TBC1D22A: variants seen among roughly 807,000 people sequenced by gnomAD.
The protein encoded by TBC1D22A is TBC1 domain family member 22A.
A neutral mutation model predicts 60.2 loss-of-function variants in TBC1D22A; 38 were observed. The ratio of observed to expected loss-of-function variants is 0.63; its 90% CI spans 0.49 to 0.83. The LOEUF is 0.83. Among genes scored for constraint, TBC1D22A ranks in the 40% least tolerant of loss-of-function variants. The pLI, the probability that TBC1D22A is intolerant of heterozygous loss-of-function variation, is 0.00. For missense variants in TBC1D22A, 628 were observed against 701.0 expected (o/e 0.90, Z 1.18); for synonymous variants, 302 against 281.7 (o/e 1.07, Z -0.72).
intron 11 of TBC1D22A, among the ~76,000 whole-genome samples, chr22:47,056,376 G>A (rs1373744425): frequency 6.6e-6 from 1 of 152,148 alleles, no homozygotes; most frequent in East Asian, 1.9e-4. Flanking sequence ...AGGGCTGCCT[G>A]TGAGCTGACG....
rs1029708977 is a variant in TBC1D22A at position 46,862,195 on chromosome 22, A to C, written c.638-16458A>C. ...TGGAACGCGGTATGGAACCTGGCGC[A>C]CAGTAGGTGCTCAGTGAATGTCAGC... On this transcript the variant is annotated intron_variant, in intron 4 of 12. Transcript: ENST00000337137. Among the ~76,000 whole-genome samples, 8 of 152,320 alleles carry C rather than the reference A, an allele frequency of 5.3e-5. No homozygotes were observed. The East Asian group carries it at 1.5e-3, about 29-fold the overall frequency.
At chr22:47,005,987 C>T (rs2061579493) in intron 10 of TBC1D22A, among the ~76,000 whole-genome samples, 1 of 152,010 alleles carries the variant, frequency 6.6e-6, no homozygotes, top group Admixed American at 6.6e-5. Flanking sequence ...TACACACAGT[C>T]CCGTATACAC....
chr22:46,895,616 C>T (rs1397489955), intron 7 of TBC1D22A, among the ~76,000 whole-genome samples: 2 of 152,222 alleles, frequency 1.3e-5, no homozygotes, highest in Non-Finnish European at 2.9e-5. Flanking sequence ...AAGTGATCTG[C>T]CCGCCTTGGC....
intron 9 of TBC1D22A, among the ~76,000 whole-genome samples, chr22:46,992,366 G>A (rs942035541): frequency 2.0e-5 from 3 of 152,250 alleles, no homozygotes; most frequent in African/African-American, 4.8e-5. Context: ...ATGTTACTGG[G>A]GACTGGGCAT....
chr22:46,834,035 G>A (rs745590761), intron 4 of TBC1D22A, among the ~76,000 whole-genome samples: 7 of 149,940 alleles, frequency 4.7e-5, no homozygotes, highest in Admixed American at 6.6e-5. Context: ...ACTTTTATTC[G>A]TAGCATTTTC....
At chr22:46,931,181 A>T (rs1157840950) in intron 8 of TBC1D22A, among the ~76,000 whole-genome samples, 2 of 152,106 alleles carry the variant, frequency 1.3e-5, no homozygotes, top group Non-Finnish European at 2.9e-5. Context: ...TCCTTTCTCC[A>T]TTATCTGGCT....
chr22:47,044,965 T>TA (rs2062981253), intron 11 of TBC1D22A, among the ~76,000 whole-genome samples: 1 of 152,180 alleles, frequency 6.6e-6, no homozygotes, highest in Non-Finnish European at 1.5e-5. Context: ...GGCAGGCGTG[T>TA]GAAGGCCCTG....
At chr22:46,823,663 C>T (rs1023059086) in intron 4 of TBC1D22A, among the ~76,000 whole-genome samples, 2 of 152,342 alleles carry the variant, frequency 1.3e-5, no homozygotes, top group East Asian at 1.9e-4. Flanking sequence ...GTGCCTGGCA[C>T]GTGGGCAGTA....
intron 12 of TBC1D22A, among the ~76,000 whole-genome samples, chr22:47,166,191 T>C (rs549976917): frequency 3.6e-3 from 550 of 152,234 alleles, no homozygotes; most frequent in Non-Finnish European, 5.9e-3. Flanking sequence ...CCTTCCGGTA[T>C]CTTCAGTGTG....
At chr22:47,058,874 C>G (rs1207594816) in intron 11 of TBC1D22A, among the ~76,000 whole-genome samples, 2 of 152,266 alleles carry the variant, frequency 1.3e-5, no homozygotes, top group Middle Eastern at 6.8e-3. Context: ...GCCCGCTGGA[C>G]CCAGGTGAAG....
intron 10 of TBC1D22A, among the ~76,000 whole-genome samples, chr22:47,027,588 A>G (rs953988250): frequency 4.6e-5 from 7 of 152,176 alleles, no homozygotes; most frequent in Non-Finnish European, 8.8e-5. Flanking sequence ...CTTCTAAGTG[A>G]AGTTAACTCA....
chr22:47,081,454 C>A (rs1311758811), intron 11 of TBC1D22A, among the ~76,000 whole-genome samples: 1 of 152,166 alleles, frequency 6.6e-6, no homozygotes, highest in Non-Finnish European at 1.5e-5. Context: ...TCTGCTCTCA[C>A]TACTTCTATT....
At chr22:46,943,928 C>T (rs980810580) in intron 8 of TBC1D22A, among the ~76,000 whole-genome samples, 1 of 152,084 alleles carries the variant, frequency 6.6e-6, no homozygotes, top group Non-Finnish European at 1.5e-5. Context: ...CCATATAGAC[C>T]ACGTCTTGTT....
intron 11 of TBC1D22A, among the ~76,000 whole-genome samples, chr22:47,086,414 C>T (rs557494484): frequency 2.6e-4 from 40 of 152,310 alleles, no homozygotes; most frequent in Non-Finnish European, 1.0e-4. Context: ...GAGATCGCGC[C>T]ATTGCACTCC....
At chr22:47,017,361 C>T (rs1046316358) in intron 10 of TBC1D22A, among the ~76,000 whole-genome samples, 44 of 152,166 alleles carry the variant, frequency 2.9e-4, no homozygotes, top group Admixed American at 7.9e-4. Flanking sequence ...CTGCGGTCTC[C>T]GGGCTCAGGT....
intron 5 of TBC1D22A, among the ~76,000 whole-genome samples, chr22:46,883,939 G>T (rs1247521788): frequency 1.3e-5 from 2 of 152,216 alleles, no homozygotes; most frequent in Non-Finnish European, 2.9e-5. Context: ...TCCCAAGTGA[G>T]CACACGCATC....
chr22:47,108,643 GC>G (rs1478048588), intron 11 of TBC1D22A, among the ~76,000 whole-genome samples: 2 of 152,216 alleles, frequency 1.3e-5, no homozygotes, highest in African/African-American at 4.8e-5. Flanking sequence ...ACAGCTATAT[GC>G]GTATATCAAA....
chr22:46,897,077 G>T (rs528413482), intron 7 of TBC1D22A, among the ~76,000 whole-genome samples: 1 of 152,210 alleles, frequency 6.6e-6, no homozygotes, highest in Non-Finnish European at 1.5e-5. Context: ...GAAGCGTCTC[G>T]TACATGTGTT....
At chr22:47,144,282 C>T (rs762441709) in intron 12 of TBC1D22A, among the ~76,000 whole-genome samples, 2 of 152,368 alleles carry the variant, frequency 1.3e-5, no homozygotes, top group East Asian at 3.9e-4. Flanking sequence ...TGGCCGCAGC[C>T]GCCCGTTTCC....
Sources: gnomAD v4.1 joint callset for allele counts (sites outside exome capture counted in the v4.1 genomes callset) on GRCh38, gnomAD v4.1.1 for gene constraint, MANE v1.5 for transcripts, NCBI Gene and HGNC (gene_info 2026-07-23, HGNC 2026-07-21) for gene names.